Variants in RORA observed in about 807,000 individuals in gnomAD.
The protein encoded by RORA is RAR related orphan receptor A.
In RORA, 7 loss-of-function variants were observed where a neutral mutation model predicts 69.5. That is an observed-to-expected ratio of 0.10 (90% confidence interval 0.06 to 0.19). The LOEUF (loss-of-function observed/expected upper bound fraction) is 0.19, where lower values mean the gene tolerates loss of function less well. Ranked by LOEUF, RORA falls within the 10% of genes least tolerant of loss-of-function variation. RORA has a pLI of 1.00. For missense variants in RORA, 457 were observed against 663.0 expected, an observed-to-expected ratio of 0.69 and a Z score of 3.41; for synonymous variants, 261 against 240.8, an observed-to-expected ratio of 1.08 and a Z score of -0.78.
At chr15:60,718,410 G>A (rs1281306022) in intron 1 of RORA, among the ~76,000 whole-genome samples, 2 of 152,082 alleles carry the variant, frequency 1.3e-5, no homozygotes, top group Admixed American at 1.3e-4. Flanking sequence ...CTTAGAAAAT[G>A]GTCACTCCTC....
At chr15:60,745,005 C>T (rs1329259896) in intron 1 of RORA, among the ~76,000 whole-genome samples, 1 of 152,216 alleles carries the variant, frequency 6.6e-6, no homozygotes, top group Non-Finnish European at 1.5e-5. Context: ...GCCACCGCGC[C>T]CTGTGCTGAT....
intron 1 of RORA, among the ~76,000 whole-genome samples, chr15:60,774,116 G>C (rs1043619026): frequency 6.6e-6 from 1 of 152,190 alleles, no homozygotes; most frequent in Non-Finnish European, 1.5e-5. Context: ...GCCTGACTCA[G>C]ACTGGAGGAC....
chr15:60,757,721 T>A (rs566272423), intron 1 of RORA, among the ~76,000 whole-genome samples: 2 of 152,302 alleles, frequency 1.3e-5, no homozygotes, highest in South Asian at 4.1e-4. Flanking sequence ...TGCTTACTTG[T>A]TGAATAAAGG....
intron 2 of RORA, among the ~76,000 whole-genome samples, chr15:60,659,829 T>C (rs1567144943): frequency 3.3e-5 from 5 of 152,192 alleles, no homozygotes. Context: ...GCTAAAACAA[T>C]ATTTTATCAC....
chr15:60,989,653 C>T (rs564382909), intron 1 of RORA, among the ~76,000 whole-genome samples: 7 of 152,310 alleles, frequency 4.6e-5, no homozygotes, highest in South Asian at 4.1e-4. Flanking sequence ...TTAGCTTGTT[C>T]GTGGTAGAGT....
At chr15:60,947,044 G>A (rs567558803) in intron 1 of RORA, among the ~76,000 whole-genome samples, 251 of 88,094 alleles carry the variant, frequency 2.8e-3, no homozygotes, top group African/African-American at 6.9e-3. Flanking sequence ...CCGGCCAGCC[G>A]CCCCGTCCGG....
chr15:60,736,982 C>T (rs7164268), intron 1 of RORA: 9 of 152,220 alleles, frequency 5.9e-5, no homozygotes, highest in Non-Finnish European at 1.0e-4. Context: ...CCGCTCCTTA[C>T]CACTATGTCC....
In RORA at chr15:60,994,321, C is replaced by A. The variant is rs564619680; in HGVS notation, c.166+234732G>T. 2.0e-4 allele frequency among the ~76,000 whole-genome samples: 30 copies of A among 152,284 alleles called. No individual in the cohort carries two copies. In the South Asian group the frequency reaches 5.4e-3, roughly 27 times the overall value. On this transcript the variant is annotated intron_variant, in intron 1 of 10. Coordinates refer to ENST00000335670, the MANE Select transcript of RORA (RefSeq NM_134261.3). ...TGATTACACTTAGAGGCTTCCAAGG[C>A]GAATCTCCTCAAATGTAGTAGCTGT...
intron 1 of RORA, among the ~76,000 whole-genome samples, chr15:60,699,997 GT>G (rs907201929): frequency 6.6e-6 from 1 of 152,178 alleles, no homozygotes; most frequent in African/African-American, 2.4e-5. Context: ...CTAGTTTTCT[GT>G]TTTTTGTCCG....
chr15:60,511,295 A>G lies in RORA; in HGVS notation c.751T>C (p.Ser251Pro). The G allele has an allele frequency of 6.2e-7, 1 of 1,614,166 alleles. No homozygotes were observed. Among genetic ancestry groups the G allele is most frequent in the Non-Finnish European group, 8.5e-7 (1 of 1,180,016 alleles). Residue 251 changes from serine (S) to proline (P), a missense_variant, in exon 5 of 11, where the codon TCA becomes CCA. Physicochemically the swap from Ser to Pro is moderately conservative, Grantham distance 74. This residue lies in a region of RORA where 304 missense variants were observed against 447.4 expected (regional missense o/e 0.68). Transcript: ENST00000335670. The surrounding 1 kb of genome is among the most constrained non-coding windows in gnomAD (Gnocchi z 6.4). ...PEPICDYTPA[S>P]GFFPYCSFTN... ...AACGAACAGTAGGGAAAGAAGCCTG[A>G]TGCTGGTGTGTAGTCACATATTGGT...
intron 1 of RORA, among the ~76,000 whole-genome samples, chr15:60,989,136 A>G (rs1894294825): frequency 6.6e-6 from 1 of 152,168 alleles, no homozygotes; most frequent in Non-Finnish European, 1.5e-5. Flanking sequence ...CACTCACAAT[A>G]ATCTGCAACC....
At chr15:61,083,600 C>A (rs1362626656) in intron 1 of RORA, among the ~76,000 whole-genome samples, 2 of 151,996 alleles carry the variant, frequency 1.3e-5, no homozygotes, top group African/African-American at 2.4e-5. Flanking sequence ...GACTCCACAT[C>A]TGTTGCTGTG....
chr15:60,779,245 C>T (rs1595708712), intron 1 of RORA, among the ~76,000 whole-genome samples: 1 of 152,298 alleles, frequency 6.6e-6, no homozygotes, highest in East Asian at 1.9e-4. Context: ...CTCGTTGTCT[C>T]CCTGGAGTGA....
intron 1 of RORA, among the ~76,000 whole-genome samples, chr15:60,817,042 T>C (rs2072827820): frequency 6.6e-6 from 1 of 152,226 alleles, no homozygotes; most frequent in South Asian, 2.1e-4. Context: ...TATATATTTA[T>C]GGTGTACAAT....
At chr15:60,592,968 G>T (rs979277472) in intron 2 of RORA, 4 of 454,672 alleles carry the variant, frequency 8.8e-6, no homozygotes, top group African/African-American at 8.0e-5. Context: ...GCTCGTTGGT[G>T]GAAAAGACAG....
At chr15:60,598,290 C>T (rs990853306) in intron 2 of RORA, among the ~76,000 whole-genome samples, 2 of 152,156 alleles carry the variant, frequency 1.3e-5, no homozygotes, top group African/African-American at 2.4e-5. Context: ...GAGCGTTCTA[C>T]AATTTTGAAA....
At chr15:60,818,805 A>G (rs1453709648) in intron 1 of RORA, among the ~76,000 whole-genome samples, 1 of 152,214 alleles carries the variant, frequency 6.6e-6, no homozygotes, top group East Asian at 1.9e-4. Flanking sequence ...ATGATTAGGT[A>G]CATGTTTCTG....
At chr15:60,947,568 G>C (rs1336970945) in intron 1 of RORA, among the ~76,000 whole-genome samples, 1 of 151,636 alleles carries the variant, frequency 6.6e-6, no homozygotes, top group Non-Finnish European at 1.5e-5. Context: ...AGGCCCCAGG[G>C]TCCTCTGCCT....
intron 1 of RORA, among the ~76,000 whole-genome samples, chr15:61,139,947 T>C (rs549662036): frequency 6.6e-6 from 1 of 152,134 alleles, no homozygotes; most frequent in Non-Finnish European, 1.5e-5. Flanking sequence ...TGATTGGAAG[T>C]TCCTCTCACA....
Sources: allele counts gnomAD v4.1 joint callset (sites outside exome capture counted in the v4.1 genomes callset), GRCh38; gene constraint gnomAD v4.1.1; regional missense constraint gnomAD v4.1.1; non-coding constraint Gnocchi (gnomAD v3.1); transcripts MANE v1.5; gene names NCBI Gene and HGNC (gene_info 2026-07-23, HGNC 2026-07-21).